The following SDK1 variants were observed in gnomAD, a reference collection of about 807,000 sequenced individuals.
SDK1 encodes protein sidekick-1.
SDK1 carries 157 observed loss-of-function variants against 245.5 expected under a neutral mutation model. The ratio of observed to expected loss-of-function variants is 0.64; its 90% CI spans 0.56 to 0.73. SDK1 has a LOEUF of 0.73. Ranked by LOEUF, SDK1 falls within the 30% of genes least tolerant of loss-of-function variation. The pLI is 0.00. For synonymous variants in SDK1, 1,647 were observed against 1,278.5 expected, an observed-to-expected ratio of 1.29 and a Z score of -6.15; for missense variants, 3,583 against 3,002.3, an observed-to-expected ratio of 1.19 and a Z score of -4.52.
intron 5 of SDK1, among the ~76,000 whole-genome samples, chr7:3,938,645 CAAAAA>C (rs559065786): frequency 1.1e-5 from 1 of 90,588 alleles, no homozygotes; most frequent in African/African-American, 5.4e-5. Context: ...GACTCCGTCT[CAAAAA>C]AAAAAAAAAA....
At chr7:3,782,202 A>G (rs377428172) in intron 4 of SDK1, among the ~76,000 whole-genome samples, 73 of 152,352 alleles carry the variant, frequency 4.8e-4, no homozygotes, top group East Asian at 1.9e-3. Flanking sequence ...GAAGCTTACA[A>G]TCCTGGCAGA....
rs138363492 is a variant in SDK1 at position 4,007,869 on chromosome 7, G to A, written c.2132-3097G>A. Among the ~76,000 whole-genome samples the A allele has an allele frequency of 2.0e-4, 31 of 152,250 alleles. No homozygotes were observed. The East Asian group carries it at 6.0e-3, about 29-fold the overall frequency. On this transcript the variant is annotated intron_variant, in intron 14 of 44. Transcript: ENST00000404826. The stretch of plus-strand genomic sequence containing the variant: ...TCCACCTGCCTCAGCCTCCAAAAGT[G>A]CAGGGATTACAGGCATTGTTTTAAT...
intron 4 of SDK1, among the ~76,000 whole-genome samples, chr7:3,645,717 C>T (rs1034017541): frequency 1.3e-5 from 2 of 152,110 alleles, no homozygotes; most frequent in South Asian, 2.1e-4. Flanking sequence ...CTGCATTCCT[C>T]GCACCCACGG....
chr7:3,916,899 A>G (rs1779403008), intron 5 of SDK1, among the ~76,000 whole-genome samples: 1 of 152,190 alleles, frequency 6.6e-6, no homozygotes, highest in Admixed American at 6.5e-5. Context: ...TTTAGCTTAT[A>G]TAGCAATTCC....
chr7:4,218,462 A>G (rs1268755851), intron 38 of SDK1, among the ~76,000 whole-genome samples: 1 of 152,244 alleles, frequency 6.6e-6, no homozygotes, highest in Non-Finnish European at 1.5e-5. Flanking sequence ...TATGTTTGAT[A>G]AAAGGCATAA....
chr7:4,146,319 C>T (rs937303390), intron 29 of SDK1, among the ~76,000 whole-genome samples: 3 of 151,612 alleles, frequency 2.0e-5, no homozygotes, highest in Non-Finnish European at 4.4e-5. Flanking sequence ...CACTTTCAGC[C>T]TCACAGCTGC....
intron 1 of SDK1, among the ~76,000 whole-genome samples, chr7:3,512,364 A>G (rs995373115): frequency 5.9e-5 from 9 of 152,224 alleles, no homozygotes; most frequent in African/African-American, 2.2e-4. Flanking sequence ...GTATTCACCT[A>G]ATGAAGAATA....
chr7:3,312,741 G>C (rs1439319465), intron 1 of SDK1, among the ~76,000 whole-genome samples: 8 of 152,144 alleles, frequency 5.3e-5, no homozygotes, highest in Admixed American at 4.6e-4. Flanking sequence ...TACAATTCAT[G>C]AACTTTAGAA....
chr7:3,645,318 T>G (rs1393416067), intron 4 of SDK1, among the ~76,000 whole-genome samples: 1 of 152,210 alleles, frequency 6.6e-6, no homozygotes. Context: ...CAGTATACCA[T>G]TTTTTAAAGA....
intron 4 of SDK1, among the ~76,000 whole-genome samples, chr7:3,661,690 A>G (rs899359219): frequency 2.0e-5 from 3 of 152,178 alleles, no homozygotes; most frequent in Non-Finnish European, 2.9e-5. Flanking sequence ...ATCTTCAGGA[A>G]TATATATGAT....
chr7:3,420,295 G>A (rs571093327), intron 1 of SDK1, among the ~76,000 whole-genome samples: 1 of 152,210 alleles, frequency 6.6e-6, no homozygotes, highest in African/African-American at 2.4e-5. Flanking sequence ...ATTTTAAAAG[G>A]TTAGATGCAA....
chr7:3,794,922 G>T (rs1023987840), intron 4 of SDK1, among the ~76,000 whole-genome samples: 1 of 148,868 alleles, frequency 6.7e-6, no homozygotes, highest in Non-Finnish European at 1.5e-5. Context: ...AAATATTAAT[G>T]AGCTTTTTAT....
intron 3 of SDK1, among the ~76,000 whole-genome samples, chr7:3,641,423 C>T (rs1213033748): frequency 1.3e-5 from 2 of 152,046 alleles, no homozygotes; most frequent in Middle Eastern, 3.2e-3. Flanking sequence ...ATTAAGTCAA[C>T]AGTATGAGAG....
At chr7:4,052,416 T>C (rs1162067069) in intron 19 of SDK1, among the ~76,000 whole-genome samples, 1 of 152,048 alleles carries the variant, frequency 6.6e-6, no homozygotes, top group Non-Finnish European at 1.5e-5. Flanking sequence ...TACAGTTATT[T>C]GTAGCTGGAA....
chr7:4,198,921 C>T (rs1261076581), intron 35 of SDK1, among the ~76,000 whole-genome samples: 1 of 151,492 alleles, frequency 6.6e-6, no homozygotes, highest in East Asian at 2.0e-4. Flanking sequence ...TCCTGCCATT[C>T]TCCTGCCTCA....
At position 3,814,036 on chromosome 7, in the gene SDK1, C is replaced by T. The variant is rs1485929726; in HGVS notation, c.714-7414C>T. Among the ~76,000 whole-genome samples the T allele has an allele frequency of 7.3e-4, 86 of 118,616 alleles. 1 individual carries two copies. The highest frequency in any genetic ancestry group is 2.0e-3 in the Admixed American group (22 of 10,942). 77.8% of individuals were successfully genotyped at this position (118,616 alleles called of 152,430 possible). On this transcript the variant is annotated intron_variant, in intron 4 of 44. Transcript: ENST00000404826. ...AGCCCTTTGTCAGATGAGTAGGTTG[C>T]GAAAATTTTCTCCCATGTTGTAGGT... is the stretch of plus-strand genomic sequence containing the variant.
At chr7:3,345,045 T>C (rs74951440) in intron 1 of SDK1, among the ~76,000 whole-genome samples, 15,750 of 152,234 alleles carry the variant, frequency 0.1, 1,024 homozygotes, top group African/African-American at 0.18. Flanking sequence ...TTAAAACATA[T>C]TGCAAGAAGT....
chr7:3,940,779 C>G (rs1000723636), intron 5 of SDK1, among the ~76,000 whole-genome samples: 1 of 152,064 alleles, frequency 6.6e-6, no homozygotes, highest in African/African-American at 2.4e-5. Flanking sequence ...CGAGATCATG[C>G]CGCTGCACTC....
chr7:3,361,762 G>C (rs1301191347), intron 1 of SDK1, among the ~76,000 whole-genome samples: 1 of 152,148 alleles, frequency 6.6e-6, no homozygotes, highest in African/African-American at 2.4e-5. Context: ...AATAACAATT[G>C]TTCCATGCAC....
Sources: allele counts gnomAD v4.1 joint callset (sites outside exome capture counted in the v4.1 genomes callset), GRCh38; gene constraint gnomAD v4.1.1; transcripts MANE v1.5; gene names NCBI Gene and HGNC (gene_info 2026-07-23, HGNC 2026-07-21).